Variants in PPEF1 observed in about 807,000 individuals in gnomAD.
The protein encoded by PPEF1 is protein phosphatase with EF-hand domain 1.
Under a neutral mutation model 53.3 loss-of-function variants are expected in PPEF1, and 12 were observed. That is an observed-to-expected ratio of 0.23 (90% CI 0.14 to 0.36). PPEF1 has a LOEUF of 0.36. Among genes scored for constraint, PPEF1 ranks in the 10% least tolerant of loss-of-function variants. The probability of loss-of-function intolerance (pLI) is 1.00; values close to 1 mark genes in which losing one functional copy is unlikely to be tolerated. For synonymous variants in PPEF1, 165 were observed against 176.7 expected, an observed-to-expected ratio of 0.93 and a Z score of 0.52; for missense variants, 334 against 490.4, an observed-to-expected ratio of 0.68 and a Z score of 3.01.
intron 8 of PPEF1, among the ~76,000 whole-genome samples, chrX:18,783,076 C>T (rs1243505938): frequency 3.0e-5 from 3 of 98,388 alleles, no homozygotes; most frequent in Non-Finnish European, 6.1e-5. Flanking sequence ...CGTGCCACTG[C>T]ACTCCAGCCT....
chrX:18,679,039 G>A (rs1312195712), upstream of PPEF1, among the ~76,000 whole-genome samples: 3 of 111,387 alleles, frequency 2.7e-5, no homozygotes, highest in African/African-American at 6.5e-5. Context: ...CTGTGTCCAC[G>A]CTTCTGATCT....
At chrX:18,730,744 C>G (rs1362570050) in intron 2 of PPEF1, among the ~76,000 whole-genome samples, 1 of 103,904 alleles carries the variant, frequency 9.6e-6, no homozygotes, top group Non-Finnish European at 2.0e-5. Context: ...GACGGGATTT[C>G]ACTCTTGTCA....
Position 18,779,125 on chromosome X carries a change from A to G in PPEF1, c.674A>G (p.Asn225Ser), listed in dbSNP as rs61729388. 27 of 1,207,358 alleles carry G rather than the reference A, an allele frequency of 2.2e-5. No homozygotes were observed. The highest frequency in any genetic ancestry group is 3.5e-5 in the African/African-American group (2 of 56,998). The change falls in exon 7 of 16, where the codon AAT becomes AGT. Residue 225 changes from asparagine to serine, a missense_variant. Coordinates refer to ENST00000470157, the MANE Select transcript of PPEF1 (RefSeq NM_001377996.1). ...ILCVSFLVYP[N>S]DLHLNRGNHE... ...TGTGTGAGTTTTCTTGTCTACCCCA[A>G]TGACCTGCACTTGAACAGAGGGAAC...
intron 12 of PPEF1, among the ~76,000 whole-genome samples, chrX:18,811,396 G>A (rs2046799581): frequency 9.1e-6 from 1 of 109,997 alleles, no homozygotes; most frequent in African/African-American, 3.3e-5. Context: ...GTGTGAGGTA[G>A]AATCTCATTG....
chrX:18,793,651 C>A (rs2046364445), intron 10 of PPEF1, among the ~76,000 whole-genome samples: 1 of 109,525 alleles, frequency 9.1e-6, no homozygotes, highest in Non-Finnish European at 1.9e-5. Context: ...ACGTCTAGTC[C>A]CTTCAAAAGC....
chrX:18,794,957 C>T (rs1396250479), intron 10 of PPEF1, among the ~76,000 whole-genome samples: 2 of 112,418 alleles, frequency 1.8e-5, no homozygotes, highest in Non-Finnish European at 3.8e-5. Context: ...AAATGTTTCT[C>T]CATATGCTGT....
chrX:18,810,295 T>C (rs1037897044), intron 12 of PPEF1, among the ~76,000 whole-genome samples: 5 of 109,996 alleles, frequency 4.5e-5, no homozygotes, highest in Non-Finnish European at 9.5e-5. Flanking sequence ...TACCTTTGTT[T>C]AGAAAATTTC....
At chrX:18,735,002 A>G (rs1178000483) in intron 3 of PPEF1, among the ~76,000 whole-genome samples, 3 of 111,706 alleles carry the variant, frequency 2.7e-5, no homozygotes, top group African/African-American at 9.8e-5. Context: ...AAATTTGTTT[A>G]AGTTCTTTGT....
chrX:18,778,199 G>T (rs774276959), intron 6 of PPEF1, among the ~76,000 whole-genome samples: 3 of 111,390 alleles, frequency 2.7e-5, no homozygotes, highest in Non-Finnish European at 5.6e-5. Context: ...ACATGACATC[G>T]AGAAAATGTA....
chrX:18,763,515 G>A (rs190719629), intron 6 of PPEF1, among the ~76,000 whole-genome samples: 7 of 110,340 alleles, frequency 6.3e-5, no homozygotes, highest in Non-Finnish European at 5.7e-5. Flanking sequence ...GGAGGCCTGC[G>A]TTAGTGAGAC....
intron 12 of PPEF1, among the ~76,000 whole-genome samples, chrX:18,814,391 A>G (rs1202927532): frequency 8.9e-6 from 1 of 111,926 alleles, no homozygotes; most frequent in African/African-American, 3.2e-5. Context: ...TGGGAGTTCC[A>G]TTTTTAGCTC....
intron 4 of PPEF1, among the ~76,000 whole-genome samples, chrX:18,696,238 G>A (rs1185852679): frequency 9.1e-6 from 1 of 109,640 alleles, no homozygotes; most frequent in African/African-American, 3.3e-5. Context: ...CTGCAGCCTC[G>A]ATCTTGCAGG....
upstream of PPEF1, among the ~76,000 whole-genome samples, chrX:18,704,227 C>T (rs1021460773): frequency 9.0e-6 from 1 of 111,202 alleles, no homozygotes; most frequent in Non-Finnish European, 1.9e-5. Context: ...TGCCCAGCCC[C>T]AATTCTTATG....
chrX:18,685,807 T>G (rs1929057173), intron 2 of PPEF1, among the ~76,000 whole-genome samples: 1 of 111,643 alleles, frequency 9.0e-6, no homozygotes, highest in Admixed American at 9.6e-5. Flanking sequence ...TAGCGTCTGC[T>G]TCTGGGCTCA....
chrX:18,732,110 C>T lies in PPEF1; in HGVS notation c.175-1638C>T, dbSNP rs147603021. 8.4e-3 allele frequency among the ~76,000 whole-genome samples: 942 copies of T among 112,674 alleles called. 10 individuals carry two copies. The highest frequency in any genetic ancestry group is 0.029 in the African/African-American group (891 of 31,031). On this transcript the variant is annotated intron_variant, in intron 2 of 15. Coordinates refer to ENST00000470157, the MANE Select transcript of PPEF1 (RefSeq NM_001377996.1). ...GATTACAGGCGTGAGCCACTGTGCC[C>T]GGCCCAGCTTCTTTTACTTAGCATA...
intron 6 of PPEF1, among the ~76,000 whole-genome samples, chrX:18,776,916 A>G (rs1385663429): frequency 8.9e-6 from 1 of 111,859 alleles, no homozygotes; most frequent in Non-Finnish European, 1.9e-5. Context: ...GCGAAACTCC[A>G]TCTCAAAAAA....
chrX:18,795,016 T>TAAG (rs1366586662), intron 10 of PPEF1, among the ~76,000 whole-genome samples: 2 of 112,443 alleles, frequency 1.8e-5, no homozygotes, highest in African/African-American at 6.5e-5. Context: ...AATTTTTTTT[T>TAAG]AAGTGATTTT....
chrX:18,684,719 C>A (rs1602335894), exon 2 of PPEF1, among the ~76,000 whole-genome samples: 1 of 109,773 alleles, frequency 9.1e-6, no homozygotes, highest in Non-Finnish European at 1.9e-5. Context: ...CTCCACCTCC[C>A]GGGTTCAAGC....
chrX:18,797,130 G>C (rs957848868), intron 10 of PPEF1, among the ~76,000 whole-genome samples: 4 of 111,861 alleles, frequency 3.6e-5, no homozygotes, highest in African/African-American at 1.3e-4. Context: ...AATCATTTTA[G>C]TTGTGCCCCT....
Sources: gnomAD v4.1 joint callset for allele counts (sites outside exome capture counted in the v4.1 genomes callset) on GRCh38, gnomAD v4.1.1 for gene constraint, MANE v1.5 for transcripts, NCBI Gene and HGNC (gene_info 2026-07-23, HGNC 2026-07-21) for gene names.